The following NAALADL2 variants were observed in gnomAD, a reference collection of about 807,000 sequenced individuals.
The protein encoded by NAALADL2 is N-acetylated alpha-linked acidic dipeptidase like 2.
NAALADL2 carries 76 observed loss-of-function variants against 87.2 expected under a neutral mutation model. The ratio of observed to expected loss-of-function variants is 0.87; its 90% confidence interval spans 0.72 to 1.05. The LOEUF (loss-of-function observed/expected upper bound fraction) is 1.05, where lower values mean the gene tolerates loss of function less well. Ranked by LOEUF, NAALADL2 falls within the 50% of genes least tolerant of loss-of-function variation. The pLI is 0.00. For missense variants in NAALADL2, 1,089 were observed against 945.8 expected, an observed-to-expected ratio of 1.15 and a Z score of -1.99; for synonymous variants, 354 against 331.0, an observed-to-expected ratio of 1.07 and a Z score of -0.75.
Position 175,096,978 on chromosome 3 carries a change from G to T in NAALADL2, c.232G>T (p.Glu78Ter). ...GAENQNLGHS[E>*]TIDLNLDSIQ... ...TGAGAATCAGAACCTAGGGCATTCA[G>T]AGACTATAGACCTCAATCTTGATTC... is the stretch of plus-strand genomic sequence containing the variant. Residue 78 changes from glutamate (E) to a stop codon, truncating the protein, a stop_gained, in exon 2 of 14, where the codon GAG becomes TAG. Coordinates refer to ENST00000454872, the MANE Select transcript of NAALADL2 (RefSeq NM_207015.3). LOFTEE classifies it high-confidence loss of function. 1 of 1,613,376 alleles carries T rather than the reference G, an allele frequency of 6.2e-7. No homozygotes were observed. The highest frequency in any genetic ancestry group is 1.1e-5 in the South Asian group (1 of 91,072).
intron 1 of NAALADL2, among the ~76,000 whole-genome samples, chr3:175,004,472 T>C (rs1748734241): frequency 6.6e-6 from 1 of 151,702 alleles, no homozygotes; most frequent in African/African-American, 2.4e-5. Flanking sequence ...GGCGTTTGTT[T>C]AACAGCTAAT....
At chr3:175,550,686 A>G (rs1483755456) in intron 9 of NAALADL2, among the ~76,000 whole-genome samples, 1 of 152,178 alleles carries the variant, frequency 6.6e-6, no homozygotes, top group Admixed American at 6.5e-5. Context: ...TCTCAATAAC[A>G]TATTTGAAAT....
At chr3:175,036,217 G>A (rs1020030203) in intron 1 of NAALADL2, among the ~76,000 whole-genome samples, 7 of 151,754 alleles carry the variant, frequency 4.6e-5, no homozygotes, top group African/African-American at 1.5e-4. Context: ...TCTTACTCTG[G>A]TGTGTCTTCT....
chr3:175,267,749 A>G (rs1752177197), intron 4 of NAALADL2, among the ~76,000 whole-genome samples: 1 of 152,126 alleles, frequency 6.6e-6, no homozygotes, highest in African/African-American at 2.4e-5. Flanking sequence ...CCCTGTCCAC[A>G]TTTGTTTATA....
intron 3 of NAALADL2, among the ~76,000 whole-genome samples, chr3:174,766,489 T>C (rs1713821585): frequency 6.6e-6 from 1 of 152,162 alleles, no homozygotes; most frequent in Non-Finnish European, 1.5e-5. Flanking sequence ...ACATTATGTG[T>C]CAAGAAGCAA....
chr3:174,778,483 T>C (rs1715509813), intron 3 of NAALADL2, among the ~76,000 whole-genome samples: 1 of 152,028 alleles, frequency 6.6e-6, no homozygotes, highest in Middle Eastern at 3.2e-3. Context: ...TATTTATTTA[T>C]TTATTTATGT....
At chr3:174,997,480 G>A (rs1412096645) in intron 1 of NAALADL2, among the ~76,000 whole-genome samples, 1 of 151,982 alleles carries the variant, frequency 6.6e-6, no homozygotes, top group Non-Finnish European at 1.5e-5. Flanking sequence ...GAAAACAAAT[G>A]GATATTAAAA....
chr3:175,767,789 G>A (rs192089920), intron 13 of NAALADL2: 4 of 152,082 alleles, frequency 2.6e-5, no homozygotes, highest in East Asian at 1.9e-4. Flanking sequence ...AGTTCCAGCC[G>A]CCTGCAGTTC....
intron 2 of NAALADL2, among the ~76,000 whole-genome samples, chr3:174,681,595 G>A (rs1175068614): frequency 1.3e-5 from 2 of 152,134 alleles, no homozygotes; most frequent in South Asian, 2.1e-4. Context: ...GGGCCAGAAG[G>A]GGACCTCCTA....
At chr3:174,931,797 G>A (rs1352021322) in intron 1 of NAALADL2, among the ~76,000 whole-genome samples, 1 of 152,138 alleles carries the variant, frequency 6.6e-6, no homozygotes, top group Non-Finnish European at 1.5e-5. Context: ...ATGAAAACCA[G>A]GTTGACTAGA....
intron 3 of NAALADL2, among the ~76,000 whole-genome samples, chr3:175,242,130 G>C (rs1747034105): frequency 6.6e-6 from 1 of 151,946 alleles, no homozygotes; most frequent in Non-Finnish European, 1.5e-5. Context: ...AAAATGCTGG[G>C]ATTACAGGCA....
intron 11 of NAALADL2, among the ~76,000 whole-genome samples, chr3:175,699,426 G>A (rs1738667250): frequency 6.6e-6 from 1 of 151,936 alleles, no homozygotes; most frequent in Middle Eastern, 3.2e-3. Flanking sequence ...CATGAAACAT[G>A]CACTAGATCT....
At chr3:175,541,203 A>C (rs1274526380) in intron 9 of NAALADL2, among the ~76,000 whole-genome samples, 1 of 152,198 alleles carries the variant, frequency 6.6e-6, no homozygotes, top group Non-Finnish European at 1.5e-5. Flanking sequence ...ACTTGTGAAA[A>C]CAAACTCTAA....
chr3:175,296,838 T>C (rs1343670149), intron 4 of NAALADL2, among the ~76,000 whole-genome samples: 1 of 152,106 alleles, frequency 6.6e-6, no homozygotes, highest in Non-Finnish European at 1.5e-5. Context: ...ATGAAGTGAT[T>C]TGATTTTGAG....
intron 1 of NAALADL2, among the ~76,000 whole-genome samples, chr3:174,893,234 A>G (rs931470493): frequency 4.6e-5 from 7 of 151,940 alleles, no homozygotes; most frequent in Non-Finnish European, 7.4e-5. Context: ...AGAAATGAAG[A>G]CTTTCCCAAA....
chr3:175,558,332 C>A (rs1030998516), intron 9 of NAALADL2, among the ~76,000 whole-genome samples: 1 of 151,566 alleles, frequency 6.6e-6, no homozygotes, highest in Non-Finnish European at 1.5e-5. Context: ...GGTTGTTAAT[C>A]CCTTGTCAGA....
intron 9 of NAALADL2, among the ~76,000 whole-genome samples, chr3:175,524,945 G>C (rs1427820060): frequency 6.6e-6 from 1 of 152,024 alleles, no homozygotes; most frequent in Non-Finnish European, 1.5e-5. Flanking sequence ...TCTTATAACA[G>C]GAACATGCTT....
chr3:175,003,015 G>A (rs1748452302), intron 1 of NAALADL2, among the ~76,000 whole-genome samples: 1 of 152,144 alleles, frequency 6.6e-6, no homozygotes, highest in Non-Finnish European at 1.5e-5. Flanking sequence ...CATCTTTTCT[G>A]ATTAGTTTCA....
intron 2 of NAALADL2, among the ~76,000 whole-genome samples, chr3:175,142,462 A>C (rs1263384177): frequency 1.3e-5 from 2 of 152,044 alleles, no homozygotes. Flanking sequence ...AAGTAGTAAC[A>C]TTATCTTAAT....
Sources: allele counts gnomAD v4.1 joint callset (sites outside exome capture counted in the v4.1 genomes callset), GRCh38; gene constraint gnomAD v4.1.1; transcripts MANE v1.5; gene names NCBI Gene and HGNC (gene_info 2026-07-23, HGNC 2026-07-21).